Variants in MMP10 observed in about 807,000 individuals in gnomAD.
MMP10 encodes matrix metallopeptidase 10.
Under a neutral mutation model 49.1 loss-of-function variants are expected in MMP10, and 50 were observed. The ratio of observed to expected loss-of-function variants is 1.02; its 90% CI spans 0.81 to 1.29. MMP10 has a LOEUF of 1.29. Among genes scored for constraint, MMP10 ranks in the 50% most tolerant of loss-of-function variants. The probability of loss-of-function intolerance (pLI) is 0.00; values close to 1 mark genes in which losing one functional copy is unlikely to be tolerated. For missense variants in MMP10, 613 were observed against 563.8 expected (o/e 1.09, Z -0.88); for synonymous variants, 229 against 201.6 (o/e 1.14, Z -1.15).
chr11:102,776,506 C>T, intron 5 of MMP10, 82 bp from the exon 6 acceptor site: 1 of 1,581,644 alleles, frequency 6.3e-7, no homozygotes, highest in Non-Finnish European at 8.6e-7. Context: ...CAAACATTCT[C>T]AAAGTGCTTC....
intron 7 of MMP10, 41 bp downstream of exon 7, chr11:102,775,147 G>A: frequency 7.0e-7 from 1 of 1,420,330 alleles, no homozygotes; most frequent in South Asian, 1.8e-5. Context: ...TTTTGCAATA[G>A]GATTTATTCC....
At chr11:102,779,862 A>C in intron 1 of MMP10, 117 bp from the exon 2 acceptor site, 1 of 1,227,742 alleles carries the variant, frequency 8.1e-7, no homozygotes, top group East Asian at 2.4e-5. Flanking sequence ...ATCACATTTA[A>C]TTTGATTTTT....
chr11:102,779,243 C>A lies in MMP10; in HGVS notation c.466G>T (p.Ala156Ser). The change falls in exon 3 of 10, where the codon GCT (alanine) becomes TCT (serine). Residue 156 changes from alanine to serine, a missense_variant. By Grantham distance (99) the Ala-to-Ser change is moderately conservative. Transcript: ENST00000279441. Reference sequence around the variant, plus strand: ...ACTGCAAAAGAGATCATTATATCAGCCTCTCCTTCATACAGCCTGGAGAAT... The same window carrying A: ...ACTGCAAAAGAGATCATTATATCAGACTCTCCTTCATACAGCCTGGAGAAT... The part of the protein sequence containing the change: ...LTFSRLYEGE[A>S]DIMISFAVKE... 6.2e-7 allele frequency: 1 copy of A among 1,613,718 alleles called. No homozygotes were observed. The highest frequency in any genetic ancestry group is 8.5e-7 in the Non-Finnish European group (1 of 1,179,998).
In MMP10 at chr11:102,770,686, A is replaced by G; in HGVS notation, c.*107T>C. On this transcript the variant is annotated 3_prime_UTR_variant, in exon 10 of 10. Transcript: ENST00000279441. ...GATATCTGCAAGGCTCATCTTCTTC[A>G]GTCACAGAACATGCAGGAAAAATTA... The G allele has an allele frequency of 1.5e-6, 1 of 646,602 alleles. No individual in the cohort carries two copies. Among genetic ancestry groups the G allele is most frequent in the East Asian group, 2.9e-5 (1 of 34,944 alleles). The allele number at this position is 646,602 out of a possible 1,614,324, so 40.1% of individuals were successfully genotyped here. A position where few individuals can be genotyped will look rare whatever the true frequency, so the allele number is the denominator to read the frequency against.
chr11:102,777,286 A>C (rs150851691), intron 4 of MMP10, among the ~76,000 whole-genome samples: 8 of 152,066 alleles, frequency 5.3e-5, no homozygotes, highest in African/African-American at 1.7e-4. Flanking sequence ...CCTCCTCTTC[A>C]TCATACTCAA....
Position 102,772,065 on chromosome 11 carries a change from G to T in MMP10, c.1277C>A (p.Ala426Asp). The part of the protein sequence containing the change: ...SMEQGFPRLI[A>D]DDFPGVEPKV... ...AGGCTCAACTCCTGGAAAGTCATCAGCTATTAGTCTAGGGAAGCCTTGCTC... is the reference window on the plus strand; with the variant it reads ...AGGCTCAACTCCTGGAAAGTCATCATCTATTAGTCTAGGGAAGCCTTGCTC... The change falls in exon 9 of 10, where the codon GCT (alanine) becomes GAT (aspartate). Residue 426 changes from alanine to aspartate, a missense_variant. Coordinates refer to ENST00000279441, the MANE Select transcript of MMP10 (RefSeq NM_002425.3). The surrounding 1 kb of genome is among the most constrained non-coding windows in gnomAD (Gnocchi z 4.4). The T allele has an allele frequency of 6.2e-7, 1 of 1,613,730 alleles. No homozygotes were observed. The highest frequency in any genetic ancestry group is 8.5e-7 in the Non-Finnish European group (1 of 1,179,776).
Position 102,779,207 on chromosome 11 carries a change from G to T in MMP10, c.496+6C>A, listed in dbSNP as rs369376379. On this transcript the variant is annotated splice_donor_region_variant and intron_variant, in intron 3 of 9. Transcript: ENST00000279441. ...CACCAGATAAATGGATGCTTTATTT[G>T]ATTACCTTTAACTGCAAAAGAGATC... The T allele has an allele frequency of 2.9e-5, 46 of 1,612,130 alleles. No individual in the cohort carries two copies. Among genetic ancestry groups the T allele is most frequent in the Non-Finnish European group, 3.9e-5 (46 of 1,179,906 alleles).
Position 102,779,736 on chromosome 11 carries a change from C to A in MMP10, c.115G>T (p.Glu39Ter). Residue 39 changes from glutamate to a stop codon, truncating the protein, a stop_gained, in exon 2 of 10, where the codon GAA becomes TAA. Coordinates refer to ENST00000279441, the MANE Select transcript of MMP10 (RefSeq NM_002425.3). LOFTEE classifies it high-confidence loss of function. ...SNKDLAQQYL[E>*]KYYNLEKDVK... ...TCCTTTTCGAGGTTGTAGTACTTTTCTAGGTATTGCTAATGGAAAATAGAA... is the reference window on the plus strand; with the variant it reads ...TCCTTTTCGAGGTTGTAGTACTTTTATAGGTATTGCTAATGGAAAATAGAA... 6.2e-7 allele frequency: 1 copy of A among 1,605,594 alleles called. No homozygotes were observed.
Position 102,778,638 on chromosome 11 carries a change from G to A in MMP10, c.608C>T (p.Thr203Ile), listed in dbSNP as rs150476362. 4 of 1,613,880 alleles carry A rather than the reference G, an allele frequency of 2.5e-6. No homozygotes were observed. In the South Asian group the frequency reaches 3.3e-5, roughly 13 times the overall value. Reference sequence around the variant, plus strand: ...TTACGACCCACCTGATGCATCTTCTGTCCATTTTTCATCATCATCAAAGTG... The same window carrying A: ...TTACGACCCACCTGATGCATCTTCTATCCATTTTTCATCATCATCAAAGTG... ...DIHFDDDEKW[T>I]EDASGTNLFL... is the part of the protein sequence containing the mutation. The change falls in exon 4 of 10, where the codon ACA becomes ATA. Residue 203 changes from threonine (T) to isoleucine (I), a missense_variant. Physicochemically the swap from Thr to Ile is moderately conservative, Grantham distance 89 (BLOSUM62 -1). Transcript: ENST00000279441.
At chr11:102,775,746 C>CAAAAT (rs1857718323) in intron 6 of MMP10, among the ~76,000 whole-genome samples, 1 of 152,096 alleles carries the variant, frequency 6.6e-6, no homozygotes, top group Non-Finnish European at 1.5e-5. Flanking sequence ...GCCACAAGCA[C>CAAAAT]ATATCACTTT....
chr11:102,776,062 C>T (rs2134350005), intron 6 of MMP10, among the ~76,000 whole-genome samples: 1 of 151,968 alleles, frequency 6.6e-6, no homozygotes, highest in South Asian at 2.1e-4. Context: ...AAATCTCTGT[C>T]AAGCAGAAAA....
In MMP10 at chr11:102,772,074, C is replaced by T. The variant is rs776302770; in HGVS notation, c.1268G>A (p.Arg423Lys). The change falls in exon 9 of 10, where the codon AGA becomes AAA. Residue 423 changes from arginine (R) to lysine (K), a missense_variant. Coordinates refer to ENST00000279441, the MANE Select transcript of MMP10 (RefSeq NM_002425.3). The surrounding 1 kb of genome is among the most constrained non-coding windows in gnomAD (Gnocchi z 4.4). ...NSQSMEQGFP[R>K]LIADDFPGVE... ...TCCTGGAAAGTCATCAGCTATTAGT[C>T]TAGGGAAGCCTTGCTCCATGGACTG... The T allele has an allele frequency of 1.2e-6, 2 of 1,613,656 alleles. No homozygotes were observed. Among genetic ancestry groups the T allele is most frequent in the South Asian group, 1.1e-5 (1 of 91,070 alleles).
chr11:102,773,633 C>G (rs1402780019), intron 7 of MMP10, among the ~76,000 whole-genome samples: 1 of 152,196 alleles, frequency 6.6e-6, no homozygotes, highest in Non-Finnish European at 1.5e-5. Context: ...CTGAGCAGTT[C>G]CAGATATGCT....
chr11:102,773,856 G>T (rs1332262955), intron 7 of MMP10, among the ~76,000 whole-genome samples: 2 of 152,276 alleles, frequency 1.3e-5, no homozygotes, highest in African/African-American at 2.4e-5. Flanking sequence ...GCTGCCAAAG[G>T]CTTCATCTCT....
At chr11:102,779,438 T>C in intron 2 of MMP10, 66 bp downstream of exon 2, 1 of 1,609,202 alleles carries the variant, frequency 6.2e-7, no homozygotes, top group Non-Finnish European at 8.5e-7. Flanking sequence ...TTTATGTTAC[T>C]TATCCAAATA....
rs779388826 is a variant in MMP10 at position 102,776,750 on chromosome 11, G to A, written c.649C>T (p.His217Tyr). 1.9e-6 allele frequency: 3 copies of A among 1,613,746 alleles called. No individual in the cohort carries two copies. The African/African-American group carries it at 4.0e-5, about 22-fold the overall frequency. ...SGTNLFLVAA[H>Y]ELGHSLGLFH... The stretch of plus-strand genomic sequence containing the variant: ...AGCCCCAGGGAGTGGCCAAGTTCAT[G>A]AGCAGCAACGAGGAATAAATTGGTG... Residue 217 changes from histidine (H) to tyrosine (Y), a missense_variant, in exon 5 of 10, where the codon CAT (histidine) becomes TAT (tyrosine). Transcript: ENST00000279441.
intron 9 of MMP10, among the ~76,000 whole-genome samples, chr11:102,771,464 C>T (rs1244211692): frequency 6.6e-6 from 1 of 152,198 alleles, no homozygotes; most frequent in African/African-American, 2.4e-5. Context: ...AAAATTCCTT[C>T]AGAGTAATCA....
chr11:102,773,470 C>A (rs1221268399), intron 7 of MMP10, among the ~76,000 whole-genome samples: 1 of 152,048 alleles, frequency 6.6e-6, no homozygotes. Flanking sequence ...CAATAAAATC[C>A]CATCAATCTC....
rs1463596902 is a variant in MMP10, at chr11:102,772,890, C to T, written c.1183G>A (p.Glu395Lys). 3 of 1,613,650 alleles carry T rather than the reference C, an allele frequency of 1.9e-6. No homozygotes were observed. Among genetic ancestry groups the T allele is most frequent in the Middle Eastern group, 3.3e-4 (2 of 6,060 alleles). ...RKIDAAVSDKEKKKTYFFAAD... is the reference protein window; with the variant it reads ...RKIDAAVSDKKKKKTYFFAAD... ...GCAAAGAAGTATGTTTTCTTCTTTT[C>T]CTTGTCAGAAACAGCTGCATCAATT... The change falls in exon 8 of 10, where the codon GAA becomes AAA. Residue 395 changes from glutamate to lysine, a missense_variant. By Grantham distance (56) the Glu-to-Lys change is moderately conservative. Transcript: ENST00000279441. The surrounding 1 kb of genome is among the most constrained non-coding windows in gnomAD (Gnocchi z 4.4).
Sources: allele counts gnomAD v4.1 joint callset (sites outside exome capture counted in the v4.1 genomes callset), GRCh38; gene constraint gnomAD v4.1.1; non-coding constraint Gnocchi (gnomAD v3.1); transcripts MANE v1.5; gene names NCBI Gene and HGNC (gene_info 2026-07-23, HGNC 2026-07-21).